Variants in KIAA1217 observed in about 807,000 individuals in gnomAD.
The protein encoded by KIAA1217 is KIAA1217, also known as sickle tail protein homolog.
A neutral mutation model predicts 163.9 loss-of-function variants in KIAA1217; 88 were observed. The ratio of observed to expected loss-of-function variants is 0.54; its 90% CI spans 0.45 to 0.64. The LOEUF (loss-of-function observed/expected upper bound fraction) is 0.64. Among genes scored for constraint, KIAA1217 ranks in the 30% least tolerant of loss-of-function variants. The probability of loss-of-function intolerance (pLI) is 0.00; values close to 1 mark genes in which losing one functional copy is unlikely to be tolerated. For synonymous variants in KIAA1217, 903 were observed against 923.1 expected (o/e 0.98, Z 0.39); for missense variants, 2,372 against 2,475.0 (o/e 0.96, Z 0.88).
chr10:23,915,933 G>A (rs938228208), intron 1 of KIAA1217, among the ~76,000 whole-genome samples: 1 of 152,150 alleles, frequency 6.6e-6, no homozygotes, highest in African/African-American at 2.4e-5. Context: ...AGATTTAGGA[G>A]GTGGAAATTC....
chr10:23,896,438 A>G (rs932939185), intron 1 of KIAA1217, among the ~76,000 whole-genome samples: 5 of 151,960 alleles, frequency 3.3e-5, no homozygotes, highest in African/African-American at 1.2e-4. Context: ...TGAAGTCATC[A>G]CCTGATTATA....
chr10:24,239,689 GTGTGTGTT>G (rs780186793), intron 2 of KIAA1217, among the ~76,000 whole-genome samples: 65 of 137,668 alleles, frequency 4.7e-4, no homozygotes, highest in Admixed American at 2.9e-3. Flanking sequence ...GTGTGTGTGT[GTGTGTGTT>G]TGTGTGTGTG....
intron 2 of KIAA1217, among the ~76,000 whole-genome samples, chr10:24,110,432 CA>C (rs2062803133): frequency 1.3e-5 from 2 of 152,186 alleles, no homozygotes; most frequent in Admixed American, 1.3e-4. Flanking sequence ...GATTAAACAA[CA>C]AAAACATACA....
intron 2 of KIAA1217, among the ~76,000 whole-genome samples, chr10:24,016,650 G>T (rs1346165072): frequency 6.6e-6 from 1 of 152,072 alleles, no homozygotes; most frequent in Non-Finnish European, 1.5e-5. Flanking sequence ...AATTAAGGAT[G>T]TGTGTTCTGG....
intron 1 of KIAA1217, among the ~76,000 whole-genome samples, chr10:23,764,460 A>G (rs966599339): frequency 6.6e-6 from 1 of 152,232 alleles, no homozygotes; most frequent in African/African-American, 2.4e-5. Flanking sequence ...TACTCAAAGG[A>G]CTATAAATCA....
intron 1 of KIAA1217, among the ~76,000 whole-genome samples, chr10:23,968,501 C>A (rs746918464): frequency 3.3e-4 from 51 of 152,286 alleles, no homozygotes; most frequent in Admixed American, 1.3e-3. Flanking sequence ...ACACAGCATA[C>A]TATTCATCCA....
chr10:24,502,728 C>T (rs188713228), intron 9 of KIAA1217, among the ~76,000 whole-genome samples: 74 of 152,270 alleles, frequency 4.9e-4, no homozygotes, highest in African/African-American at 1.7e-3. Context: ...TGTCATGGCT[C>T]ATGCCTGTAA....
intron 17 of KIAA1217, among the ~76,000 whole-genome samples, chr10:24,541,841 C>G (rs929264131): frequency 6.6e-6 from 1 of 152,188 alleles, no homozygotes; most frequent in Non-Finnish European, 1.5e-5. Flanking sequence ...GTGACGTCAC[C>G]GTCACCAATG....
At chr10:24,342,008 C>T (rs910349843) in intron 2 of KIAA1217, among the ~76,000 whole-genome samples, 1 of 152,186 alleles carries the variant, frequency 6.6e-6, no homozygotes, top group African/African-American at 2.4e-5. Context: ...AGGAAGTCTA[C>T]CAGACTGTCC....
Position 23,790,560 on chromosome 10 carries a change from C to T in KIAA1217, c.-321+95326C>T, listed in dbSNP as rs1290516926. Among the ~76,000 whole-genome samples, 84 of 88,748 alleles carry T rather than the reference C, an allele frequency of 9.5e-4. 7 individuals are homozygous for T. The highest frequency in any genetic ancestry group is 5.4e-3 in the African/African-American group (67 of 12,442). The allele number at this position is 88,748 out of a possible 152,430, so 58.2% of individuals were successfully genotyped here. A position where few individuals can be genotyped will look rare whatever the true frequency, so the allele number is the denominator to read the frequency against. ...ATACATGTGCATATATACATATGTA[C>T]ATATGTATATATACATATGTATATG... On this transcript the variant is annotated intron_variant, in intron 1 of 18. Coordinates refer to the KIAA1217 transcript ENST00000376462.
chr10:24,468,042 A>G (rs895051434), intron 5 of KIAA1217, among the ~76,000 whole-genome samples: 1 of 152,206 alleles, frequency 6.6e-6, no homozygotes, highest in Non-Finnish European at 1.5e-5. Context: ...TACCCGCAGC[A>G]AAGGCTGGGT....
At chr10:23,749,286 C>T (rs773362642) in intron 1 of KIAA1217, among the ~76,000 whole-genome samples, 3 of 152,186 alleles carry the variant, frequency 2.0e-5, no homozygotes, top group Non-Finnish European at 2.9e-5. Context: ...CCACTGCTGC[C>T]TTCTTGAAAT....
chr10:23,908,708 T>C (rs1191968587), intron 1 of KIAA1217, among the ~76,000 whole-genome samples: 4 of 152,130 alleles, frequency 2.6e-5, no homozygotes, highest in South Asian at 2.1e-4. Flanking sequence ...AGTACCACCT[T>C]ACTCCTGCAA....
rs148749861 is a variant in KIAA1217 at position 24,464,543 on chromosome 10, G to A, written c.847-8685G>A. 5.5e-3 allele frequency among the ~76,000 whole-genome samples: 839 copies of A among 152,238 alleles called. 13 individuals are homozygous for A. The highest frequency in any genetic ancestry group is 0.023 in the Admixed American group (354 of 15,274). The stretch of plus-strand genomic sequence containing the variant: ...CTGTCACCCAGGCTGGAGCGCAATG[G>A]TGTGATCTTGGCTCACTGTAGCCTC... On this transcript the variant is annotated intron_variant, in intron 5 of 20. Transcript: ENST00000376454.
chr10:24,226,596 C>T (rs546761837), intron 2 of KIAA1217, among the ~76,000 whole-genome samples: 4 of 151,788 alleles, frequency 2.6e-5, no homozygotes, highest in Admixed American at 6.6e-5. Flanking sequence ...GAGCCAAGAT[C>T]GCACCACTGC....
chr10:23,970,933 C>T (rs1350149530), intron 1 of KIAA1217, among the ~76,000 whole-genome samples: 1 of 152,130 alleles, frequency 6.6e-6, no homozygotes, highest in Non-Finnish European at 1.5e-5. Flanking sequence ...GAGACCAAGG[C>T]AAGTTTTACA....
chr10:23,745,723 C>G (rs894058297), intron 1 of KIAA1217, among the ~76,000 whole-genome samples: 10 of 151,986 alleles, frequency 6.6e-5, no homozygotes, highest in African/African-American at 1.9e-4. Context: ...AAAATGTGAC[C>G]GACAGGTGTG....
intron 1 of KIAA1217, among the ~76,000 whole-genome samples, chr10:23,729,304 G>A (rs1838341718): frequency 6.6e-6 from 1 of 152,104 alleles, no homozygotes; most frequent in Non-Finnish European, 1.5e-5. Context: ...TTTCCATTTG[G>A]TAAATACTAA....
At chr10:24,521,195 A>G (rs1037345164) in intron 11 of KIAA1217, among the ~76,000 whole-genome samples, 1 of 151,978 alleles carries the variant, frequency 6.6e-6, no homozygotes. Context: ...TTAGCTGGGC[A>G]TGGTGGCACA....
Sources: gnomAD v4.1 joint callset for allele counts (sites outside exome capture counted in the v4.1 genomes callset) on GRCh38, gnomAD v4.1.1 for gene constraint, MANE v1.5 for transcripts, NCBI Gene and HGNC (gene_info 2026-07-23, HGNC 2026-07-21) for gene names.